Variants in GALNT5 observed in about 807,000 individuals in gnomAD.
GALNT5 encodes the protein polypeptide N-acetylgalactosaminyltransferase 5.
A neutral mutation model predicts 85.4 loss-of-function variants in GALNT5; 72 were observed. The observed-to-expected ratio is 0.84, with a 90% confidence interval of 0.70 to 1.03. The LOEUF is 1.03. GALNT5 is among the 50% of genes least tolerant of loss of function. The pLI is 0.00. For missense variants in GALNT5, 1,137 were observed against 1,135.5 expected (o/e 1.00, Z -0.02); for synonymous variants, 404 against 397.0 (o/e 1.02, Z -0.21).
chr2:157,258,437 G>A lies in GALNT5; in HGVS notation c.355G>A (p.Gly119Arg), dbSNP rs756540549. The A allele has an allele frequency of 3.1e-6, 5 of 1,609,014 alleles. No individual in the cohort carries two copies. The Admixed American group carries it at 6.7e-5, about 22-fold the overall frequency. The change falls in exon 1 of 10, where the codon GGA becomes AGA. Residue 119 changes from glycine to arginine, a missense_variant. Coordinates refer to ENST00000259056, the MANE Select transcript of GALNT5 (RefSeq NM_014568.3). ...GGAAAGAAAAATGCAGAATGCCCTGGGAAGGGGCAAGGTTGTGCCGTTGTG... is the reference window on the plus strand; with the variant it reads ...GGAAAGAAAAATGCAGAATGCCCTGAGAAGGGGCAAGGTTGTGCCGTTGTG... ...QRERKMQNALGRGKVVPLWHP... is the reference protein window; with the variant it reads ...QRERKMQNALRRGKVVPLWHP...
rs1274204838 is a variant in GALNT5 at position 157,295,681 on chromosome 2, T to C, written c.1760T>C (p.Leu587Ser). Residue 587 changes from leucine (L) to serine (S), a missense_variant, in exon 4 of 10, where the codon TTA (leucine) becomes TCA (serine). Coordinates refer to ENST00000259056, the MANE Select transcript of GALNT5 (RefSeq NM_014568.3). ...QNATGDVLTF[L>S]DSHVECNVGW... Reference sequence around the variant, plus strand: ...CCTCTAGGTGATGTGTTGACATTTTTAGATTCTCATGTGGAATGTAACGTT... The same window carrying C: ...CCTCTAGGTGATGTGTTGACATTTTCAGATTCTCATGTGGAATGTAACGTT... 1 of 1,612,878 alleles carries C rather than the reference T, an allele frequency of 6.2e-7. No homozygotes were observed.
At chr2:157,268,745 T>G (rs905985832) in intron 1 of GALNT5, among the ~76,000 whole-genome samples, 32 of 152,168 alleles carry the variant, frequency 2.1e-4, no homozygotes, top group Admixed American at 6.5e-4. Context: ...GCCCCATTTG[T>G]TTTTAGAACT....
chr2:157,262,112 G>A (rs16841430), intron 1 of GALNT5, among the ~76,000 whole-genome samples: 34,987 of 150,594 alleles, frequency 0.23, 6,509 homozygotes, highest in African/African-American at 0.52. Context: ...TTCCTTTTTG[G>A]CCTATTCATT....
At chr2:157,268,792 C>G (rs953990166) in intron 1 of GALNT5, among the ~76,000 whole-genome samples, 12 of 151,698 alleles carry the variant, frequency 7.9e-5, no homozygotes, top group Non-Finnish European at 1.5e-4. Flanking sequence ...AGATTCCCCC[C>G]CAAGACAAAG....
At chr2:157,301,058 T>TC in intron 7 of GALNT5, 59 bp downstream of exon 7, 1 of 1,227,766 alleles carries the variant, frequency 8.1e-7, no homozygotes, top group African/African-American at 1.5e-5. Flanking sequence ...AAAATCTCTT[T>TC]CAAAAATGTG....
intron 2 of GALNT5, among the ~76,000 whole-genome samples, chr2:157,284,746 C>A (rs1010392187): frequency 6.6e-6 from 1 of 152,170 alleles, no homozygotes; most frequent in Non-Finnish European, 1.5e-5. Flanking sequence ...ATGTCCTCTA[C>A]AATTGCACAA....
intron 1 of GALNT5, among the ~76,000 whole-genome samples, chr2:157,267,446 A>C (rs1558890213): frequency 6.6e-6 from 1 of 152,346 alleles, no homozygotes; most frequent in East Asian, 1.9e-4. Context: ...GTTGCATAGA[A>C]AACCACAGAA....
intron 2 of GALNT5, among the ~76,000 whole-genome samples, chr2:157,284,923 T>C (rs1682939002): frequency 6.6e-6 from 1 of 152,166 alleles, no homozygotes; most frequent in Admixed American, 6.5e-5. Flanking sequence ...AAATTGCCAA[T>C]AGGACAAGAG....
At chr2:157,285,137 A>G (rs1682942576) in intron 2 of GALNT5, among the ~76,000 whole-genome samples, 1 of 152,218 alleles carries the variant, frequency 6.6e-6, no homozygotes, top group South Asian at 2.1e-4. Flanking sequence ...GGCAATGCTA[A>G]TGGAACAGCT....
chr2:157,262,664 T>C (rs79399999), intron 1 of GALNT5, among the ~76,000 whole-genome samples: 17 of 95,374 alleles, frequency 1.8e-4, no homozygotes, highest in African/African-American at 9.3e-4. Flanking sequence ...ACAACAACAA[T>C]AAAAAGGTAG....
Position 157,315,786 on chromosome 2 carries a change from G to T in GALNT5, c.*4438G>T, listed in dbSNP as rs1354823442. ...TCCATTTTCTGGGGAAATACCCATG[G>T]TTCATTGTCTGATGCCAAGAAAGAA... On this transcript the variant is annotated 3_prime_UTR_variant, in exon 10 of 10. Transcript: ENST00000259056. 6.6e-6 allele frequency among the ~76,000 whole-genome samples: 1 copy of T among 152,122 alleles called. No homozygotes were observed. Among genetic ancestry groups the T allele is most frequent in the Non-Finnish European group, 1.5e-5 (1 of 68,018 alleles).
intron 3 of GALNT5, among the ~76,000 whole-genome samples, chr2:157,293,274 G>A (rs532822080): frequency 1.9e-4 from 29 of 152,258 alleles, no homozygotes; most frequent in African/African-American, 6.5e-4. Flanking sequence ...TAGCAGATTC[G>A]GTGTCTAGTG....
intron 1 of GALNT5, among the ~76,000 whole-genome samples, chr2:157,282,983 T>C (rs559546207): frequency 2.8e-4 from 43 of 152,350 alleles, no homozygotes; most frequent in African/African-American, 9.9e-4. Flanking sequence ...TTCTTATTTA[T>C]GGAATAAGTA....
At position 157,258,592 on chromosome 2, in the gene GALNT5, G is replaced by A; in HGVS notation, c.510G>A (p.Lys170=). 6.2e-7 allele frequency: 1 copy of A among 1,613,538 alleles called. No homozygotes were observed. Among genetic ancestry groups the A allele is most frequent in the South Asian group, 1.1e-5 (1 of 91,012 alleles). The change falls in exon 1 of 10, where the codon AAG becomes AAA. Residue 170 remains lysine (K), a synonymous_variant. Coordinates refer to ENST00000259056, the MANE Select transcript of GALNT5 (RefSeq NM_014568.3). ...PKQTTAQGAP[K]TSFIAAKGTQ... ...AAACGACAGCTCAGGGGGCTCCAAA[G>A]ACCTCATTCATAGCAGCAAAAGGAA...
intron 1 of GALNT5, among the ~76,000 whole-genome samples, chr2:157,272,397 A>G (rs1254480996): frequency 6.6e-6 from 1 of 152,152 alleles, no homozygotes; most frequent in African/African-American, 2.4e-5. Flanking sequence ...AACATTTTAG[A>G]TTCAGGAAGT....
intron 1 of GALNT5, among the ~76,000 whole-genome samples, chr2:157,263,707 T>C (rs1682398340): frequency 6.6e-6 from 1 of 152,228 alleles, no homozygotes; most frequent in South Asian, 2.1e-4. Context: ...GAAATGATTT[T>C]TGAAAATTGA....
intron 1 of GALNT5, among the ~76,000 whole-genome samples, chr2:157,262,657 AC>A: frequency 7.2e-6 from 1 of 139,708 alleles, no homozygotes; most frequent in Non-Finnish European, 1.5e-5. Context: ...AACAACAACA[AC>A]AACAATAAAA....
chr2:157,296,218 T>C (rs1281805523), intron 4 of GALNT5, among the ~76,000 whole-genome samples, 176 bp from the exon 5 acceptor site: 1 of 152,222 alleles, frequency 6.6e-6, no homozygotes, highest in East Asian at 1.9e-4. Context: ...AGCCAATCAG[T>C]TACTAATGCA....
intron 8 of GALNT5, among the ~76,000 whole-genome samples, chr2:157,307,191 C>A (rs1171894581): frequency 6.6e-6 from 1 of 152,090 alleles, no homozygotes; most frequent in African/African-American, 2.4e-5. Flanking sequence ...CCCTTTTAGT[C>A]TTTGTTGCTC....
Sources: gnomAD v4.1 joint callset for allele counts (sites outside exome capture counted in the v4.1 genomes callset) on GRCh38, gnomAD v4.1.1 for gene constraint, MANE v1.5 for transcripts, NCBI Gene and HGNC (gene_info 2026-07-23, HGNC 2026-07-21) for gene names.